Variants in DSCAM observed in about 807,000 individuals in gnomAD.
DSCAM encodes cell adhesion molecule DSCAM.
DSCAM carries 47 observed loss-of-function variants against 217.7 expected under a neutral mutation model. The observed-to-expected ratio is 0.22, with a 90% CI of 0.17 to 0.28. The LOEUF is 0.28. Ranked by LOEUF, DSCAM falls within the 10% of genes least tolerant of loss-of-function variation. The pLI is 1.00. For synonymous variants in DSCAM, 1,056 were observed against 1,015.3 expected (o/e 1.04, Z -0.76); for missense variants, 2,080 against 2,618.3 (o/e 0.79, Z 4.49).
intron 3 of DSCAM, among the ~76,000 whole-genome samples, chr21:40,504,661 C>T (rs2076196469): frequency 6.6e-6 from 1 of 152,292 alleles, no homozygotes; most frequent in South Asian, 2.1e-4. Context: ...AAGACCCGAG[C>T]TGTGCAACTT....
At chr21:40,810,036 C>A (rs2091824538) in intron 1 of DSCAM, among the ~76,000 whole-genome samples, 1 of 152,224 alleles carries the variant, frequency 6.6e-6, no homozygotes. Flanking sequence ...CCACCACCTG[C>A]TGCCCAGTAA....
At chr21:40,340,779 C>G (rs1490276348) in intron 6 of DSCAM, among the ~76,000 whole-genome samples, 1 of 151,924 alleles carries the variant, frequency 6.6e-6, no homozygotes, top group Non-Finnish European at 1.5e-5. Flanking sequence ...GTATTATAAA[C>G]AAAAAGAAAG....
chr21:40,192,946 T>A (rs2090967848), intron 11 of DSCAM, among the ~76,000 whole-genome samples: 1 of 152,146 alleles, frequency 6.6e-6, no homozygotes, highest in Non-Finnish European at 1.5e-5. Flanking sequence ...TTCCTAGAAG[T>A]GGAACTACTG....
chr21:40,231,256 C>T (rs1279828333), intron 11 of DSCAM, among the ~76,000 whole-genome samples: 1 of 151,594 alleles, frequency 6.6e-6, no homozygotes, highest in African/African-American at 2.4e-5. Flanking sequence ...GACCCCAAGA[C>T]GGTGGCCTTT....
chr21:40,423,076 G>A (rs982753533), intron 3 of DSCAM, among the ~76,000 whole-genome samples: 1 of 152,190 alleles, frequency 6.6e-6, no homozygotes, highest in Non-Finnish European at 1.5e-5. Flanking sequence ...GGCAACCCGA[G>A]TGTTCCATTT....
At chr21:40,365,661 T>C (rs1021522535) in intron 4 of DSCAM, among the ~76,000 whole-genome samples, 2 of 152,118 alleles carry the variant, frequency 1.3e-5, no homozygotes, top group Admixed American at 1.3e-4. Context: ...TTCAGAAGAG[T>C]TGCTCATCTT....
At chr21:40,331,106 CA>C (rs1238854063) in intron 8 of DSCAM, among the ~76,000 whole-genome samples, 3 of 152,170 alleles carry the variant, frequency 2.0e-5, no homozygotes, top group Non-Finnish European at 4.4e-5. Flanking sequence ...CTGTCCTTTC[CA>C]TAAACAATAT....
At chr21:40,536,617 A>G (rs754020330) in intron 3 of DSCAM, among the ~76,000 whole-genome samples, 9 of 152,228 alleles carry the variant, frequency 5.9e-5, no homozygotes, top group Non-Finnish European at 1.2e-4. Context: ...CATGTTAGCC[A>G]GGATGGTCTC....
At chr21:40,666,371 C>T (rs74980499) in intron 3 of DSCAM, among the ~76,000 whole-genome samples, 2 of 152,066 alleles carry the variant, frequency 1.3e-5, no homozygotes, top group African/African-American at 2.4e-5. Flanking sequence ...AGGAGAAAAC[C>T]GCGGAACAGA....
At chr21:40,061,765 C>G (rs1186186916) in intron 28 of DSCAM, among the ~76,000 whole-genome samples, 1 of 151,998 alleles carries the variant, frequency 6.6e-6, no homozygotes, top group Non-Finnish European at 1.5e-5. Flanking sequence ...TTTTAAATAA[C>G]AAAGAGTACT....
chr21:40,745,528 C>A (rs1470056159), intron 1 of DSCAM, among the ~76,000 whole-genome samples: 1 of 152,114 alleles, frequency 6.6e-6, no homozygotes, highest in Non-Finnish European at 1.5e-5. Flanking sequence ...GGGAAAGAAC[C>A]TTGTAGCCAA....
intron 1 of DSCAM, among the ~76,000 whole-genome samples, chr21:40,780,445 A>ATATATATC (rs1170620350): frequency 7.0e-6 from 1 of 142,312 alleles, no homozygotes; most frequent in African/African-American, 2.6e-5. Flanking sequence ...ATATATATAT[A>ATATATATC]TATCTCCTGT....
intron 1 of DSCAM, among the ~76,000 whole-genome samples, chr21:40,816,857 T>TC (rs1470818755): frequency 6.6e-6 from 1 of 151,914 alleles, no homozygotes; most frequent in Non-Finnish European, 1.5e-5. Flanking sequence ...GACTAAAGTT[T>TC]CCCCAAAATA....
intron 30 of DSCAM, 53 bp downstream of exon 30, chr21:40,051,905 A>G: frequency 7.1e-6 from 11 of 1,554,204 alleles, no homozygotes; most frequent in South Asian, 3.7e-5. Flanking sequence ...GAACATTACT[A>G]TGTTTTCAGC....
intron 30 of DSCAM, among the ~76,000 whole-genome samples, chr21:40,045,881 G>T (rs1206208133): frequency 6.6e-6 from 1 of 151,146 alleles, no homozygotes; most frequent in African/African-American, 2.5e-5. Context: ...AGGGGCAATG[G>T]TATCCCTCTG....
At chr21:40,231,925 T>C (rs1450136267) in intron 11 of DSCAM, among the ~76,000 whole-genome samples, 1 of 152,218 alleles carries the variant, frequency 6.6e-6, no homozygotes, top group Non-Finnish European at 1.5e-5. Flanking sequence ...CAATCTGATA[T>C]ATATTTGAGC....
intron 3 of DSCAM, among the ~76,000 whole-genome samples, chr21:40,587,727 G>A (rs1477838621): frequency 1.3e-5 from 2 of 152,170 alleles, no homozygotes; most frequent in Non-Finnish European, 2.9e-5. Context: ...GTACAAGCCA[G>A]ATATTCTTTT....
chr21:40,167,337 A>C, intron 15 of DSCAM, 49 bp from the exon 16 acceptor site: 1 of 1,570,084 alleles, frequency 6.4e-7, no homozygotes, highest in Non-Finnish European at 8.8e-7. Context: ...TTTCCGGAGC[A>C]GATCGAAGCC....
At chr21:40,133,832 C>T in intron 19 of DSCAM, 22 bp downstream of exon 19, 1 of 1,579,494 alleles carries the variant, frequency 6.3e-7, no homozygotes, top group African/African-American at 1.4e-5. Flanking sequence ...CTGCTGGGAC[C>T]CACCGCCCAC....
Sources: allele counts gnomAD v4.1 joint callset (sites outside exome capture counted in the v4.1 genomes callset), GRCh38; gene constraint gnomAD v4.1.1; transcripts MANE v1.5; gene names NCBI Gene and HGNC (gene_info 2026-07-23, HGNC 2026-07-21).